The following PRKG2 variants were observed in gnomAD, a reference collection of about 807,000 sequenced individuals.
The protein encoded by PRKG2 is cGMP-dependent protein kinase 2.
Under a neutral mutation model 97.2 loss-of-function variants are expected in PRKG2, and 33 were observed. The observed-to-expected ratio is 0.34, with a 90% CI of 0.26 to 0.45. The LOEUF is 0.45. Among genes scored for constraint, PRKG2 ranks in the 20% least tolerant of loss-of-function variants. The pLI is 1.00. For synonymous variants in PRKG2, 330 were observed against 321.8 expected, an observed-to-expected ratio of 1.03 and a Z score of -0.27; for missense variants, 638 against 900.0, an observed-to-expected ratio of 0.71 and a Z score of 3.73.
intron 1 of PRKG2, among the ~76,000 whole-genome samples, chr4:81,213,052 T>C (rs146673406): frequency 6.6e-6 from 1 of 152,316 alleles, no homozygotes; most frequent in African/African-American, 2.4e-5. Flanking sequence ...GGGCACCGTG[T>C]ATGGGCTAGA....
At chr4:81,188,488 A>G (rs1225036525) in intron 2 of PRKG2, among the ~76,000 whole-genome samples, 18 of 143,774 alleles carry the variant, frequency 1.3e-4, no homozygotes, top group African/African-American at 5.0e-4. Context: ...ATCTAGAACT[A>G]GAAATACCAT....
rs6810933 is a variant in PRKG2, at chr4:81,093,406, A to C, written c.2127-954T>G. Among the ~76,000 whole-genome samples, 1,122 of 120,180 alleles carry C rather than the reference A, an allele frequency of 9.3e-3. 21 individuals are homozygous for C. The highest frequency in any genetic ancestry group is 0.038 in the African/African-American group (1,076 of 28,208). The allele number at this position is 120,180 out of a possible 152,430, so 78.8% of individuals were successfully genotyped here. A position where few individuals can be genotyped will look rare whatever the true frequency, so the allele number is the denominator to read the frequency against. On this transcript the variant is annotated intron_variant, in intron 17 of 18. Transcript: ENST00000264399. ...ACACACACACACACACACACACACA[A>C]GCTTCTTATCCTCCTTCCCTACTTT...
chr4:81,087,570 C>T lies in PRKG2; in HGVS notation c.*2138G>A, dbSNP rs1489130835. 5 of 152,038 alleles carry T rather than the reference C, an allele frequency of 3.3e-5. No homozygotes were observed. The highest frequency in any genetic ancestry group is 2.0e-4 in the Admixed American group (3 of 15,256). 9.4% of individuals were successfully genotyped at this position (152,038 alleles called of 1,614,324 possible). Reference sequence around the variant, plus strand: ...GCAGCAATGGTTATTTCACAGATACCGGGCAAAAGACTCTCTACATAACTT... The same window carrying T: ...GCAGCAATGGTTATTTCACAGATACTGGGCAAAAGACTCTCTACATAACTT... On this transcript the variant is annotated 3_prime_UTR_variant, in exon 19 of 19. Transcript: ENST00000264399.
At chr4:81,098,541 A>G (rs1196334540) in intron 17 of PRKG2, among the ~76,000 whole-genome samples, 1 of 152,108 alleles carries the variant, frequency 6.6e-6, no homozygotes, top group East Asian at 1.9e-4. Flanking sequence ...CTAGCTTTTT[A>G]TTTAAAGTGA....
intron 14 of PRKG2, among the ~76,000 whole-genome samples, chr4:81,114,843 C>T (rs1389299473): frequency 1.3e-5 from 2 of 152,032 alleles, no homozygotes; most frequent in Non-Finnish European, 2.9e-5. Flanking sequence ...AATTTATCCA[C>T]AAATCTAGTA....
Position 81,087,712 on chromosome 4 carries a change from G to A in PRKG2, c.*1996C>T, listed in dbSNP as rs1197366310. 6.6e-6 allele frequency: 1 copy of A among 152,076 alleles called. No individual in the cohort carries two copies. The highest frequency in any genetic ancestry group is 1.5e-5 in the Non-Finnish European group (1 of 67,972). 9.4% of individuals were successfully genotyped at this position (152,076 alleles called of 1,614,324 possible). A position where few individuals can be genotyped will look rare whatever the true frequency, so the allele number is the denominator to read the frequency against. On this transcript the variant is annotated 3_prime_UTR_variant, in exon 19 of 19. Coordinates refer to ENST00000264399, the MANE Select transcript of PRKG2 (RefSeq NM_006259.3). ...TCCCAGAGTCACTCAGTTAGGAAAT[G>A]GTGGAGTTGGGATTATTCAATGGTT...
At chr4:81,099,251 C>A (rs1457042425) in intron 17 of PRKG2, among the ~76,000 whole-genome samples, 2 of 152,050 alleles carry the variant, frequency 1.3e-5, no homozygotes, top group African/African-American at 4.8e-5. Context: ...GGCAGAGACA[C>A]AACAACAAAA....
chr4:81,170,603 A>G (rs1750376748), intron 4 of PRKG2, among the ~76,000 whole-genome samples: 2 of 152,078 alleles, frequency 1.3e-5, no homozygotes, highest in Admixed American at 1.3e-4. Context: ...CTGCATTTTT[A>G]TCAAATACCT....
At chr4:81,190,385 C>A (rs780914619) in intron 2 of PRKG2, among the ~76,000 whole-genome samples, 30 of 152,074 alleles carry the variant, frequency 2.0e-4, no homozygotes, top group Non-Finnish European at 4.4e-4. Flanking sequence ...AACTGGCTAG[C>A]CATATGCAGA....
chr4:81,088,887 G>A lies in PRKG2; in HGVS notation c.*821C>T, dbSNP rs532218153. The A allele has an allele frequency of 4.6e-5, 7 of 152,150 alleles. No individual in the cohort carries two copies. The South Asian group carries it at 1.0e-3, about 23-fold the overall frequency. 9.4% of individuals were successfully genotyped at this position (152,150 alleles called of 1,614,324 possible). ...TATTTACTGGGAGGCAAAAGCCTTC[G>A]CAATTTTGTTCCAGCACGTTTTCTA... On this transcript the variant is annotated 3_prime_UTR_variant, in exon 19 of 19. Coordinates refer to ENST00000264399, the MANE Select transcript of PRKG2 (RefSeq NM_006259.3).
At chr4:81,152,652 A>G (rs1030201508) in intron 7 of PRKG2, among the ~76,000 whole-genome samples, 2 of 152,192 alleles carry the variant, frequency 1.3e-5, no homozygotes, top group African/African-American at 2.4e-5. Context: ...AGTTATTCCA[A>G]TTCAACATGG....
At chr4:81,124,151 GTCTT>G (rs1201055125) in intron 14 of PRKG2, among the ~76,000 whole-genome samples, 3 of 152,190 alleles carry the variant, frequency 2.0e-5, no homozygotes, top group Middle Eastern at 3.4e-3. Flanking sequence ...GTCTGAAAAT[GTCTT>G]TCTTTCACCC....
intron 11 of PRKG2, 145 bp downstream of exon 11, chr4:81,142,649 G>T: frequency 9.4e-7 from 1 of 1,069,396 alleles, no homozygotes; most frequent in Non-Finnish European, 1.3e-6. Flanking sequence ...TATACAGAGT[G>T]AAAAGTTTAC....
intron 10 of PRKG2, 29 bp from the exon 11 acceptor site, chr4:81,142,976 C>T: frequency 1.3e-6 from 2 of 1,571,502 alleles, no homozygotes; most frequent in Non-Finnish European, 1.7e-6. Flanking sequence ...ACTTTACACA[C>T]ACACACCCAT....
chr4:81,148,384 C>T (rs1052591175), intron 9 of PRKG2, among the ~76,000 whole-genome samples: 1 of 151,958 alleles, frequency 6.6e-6, no homozygotes, highest in Non-Finnish European at 1.5e-5. Flanking sequence ...GAAGAATAAC[C>T]TAAGACATTT....
Position 81,153,800 on chromosome 4 carries a change from C to T in PRKG2, c.913-79G>A, listed in dbSNP as rs1035775020. 3 of 994,564 alleles carry T rather than the reference C, an allele frequency of 3.0e-6. No individual in the cohort carries two copies. The African/African-American group carries it at 4.9e-5, about 16-fold the overall frequency. 61.6% of individuals were successfully genotyped at this position (994,564 alleles called of 1,614,324 possible). ...TAATAGGAACAGCTCCAGTATACAGCTCCCAGCGTGAGCGGCGCAGAAGAC... is the reference window on the plus strand; with the variant it reads ...TAATAGGAACAGCTCCAGTATACAGTTCCCAGCGTGAGCGGCGCAGAAGAC... On this transcript the variant is annotated intron_variant, in intron 6 of 18. Coordinates refer to ENST00000264399, the MANE Select transcript of PRKG2 (RefSeq NM_006259.3).
At chr4:81,128,852 CTTG>C (rs1401380136) in intron 14 of PRKG2, among the ~76,000 whole-genome samples, 4 of 152,110 alleles carry the variant, frequency 2.6e-5, no homozygotes, top group Admixed American at 2.6e-4. Context: ...TTAGTTATTT[CTTG>C]TTTTCTACTA....
chr4:81,168,548 C>T (rs993814173), intron 5 of PRKG2, among the ~76,000 whole-genome samples: 5 of 152,070 alleles, frequency 3.3e-5, no homozygotes, highest in Admixed American at 6.6e-5. Flanking sequence ...TTGGCCCTTA[C>T]GTAAGTGTGG....
chr4:81,094,989 C>T (rs901438841), intron 17 of PRKG2, among the ~76,000 whole-genome samples: 1 of 152,096 alleles, frequency 6.6e-6, no homozygotes, highest in Non-Finnish European at 1.5e-5. Context: ...GATGGTGATG[C>T]GTCCCTGTGA....
Sources: gnomAD v4.1 joint callset for allele counts (sites outside exome capture counted in the v4.1 genomes callset) on GRCh38, gnomAD v4.1.1 for gene constraint, MANE v1.5 for transcripts, NCBI Gene and HGNC (gene_info 2026-07-23, HGNC 2026-07-21) for gene names.